Variants in GBP7 observed in about 807,000 individuals in gnomAD.
The protein encoded by GBP7 is guanylate-binding protein 7.
Under a neutral mutation model 61.3 loss-of-function variants are expected in GBP7, and 43 were observed. That is an observed-to-expected ratio of 0.70 (90% confidence interval 0.55 to 0.91). The LOEUF (loss-of-function observed/expected upper bound fraction) is 0.91, where lower values mean the gene tolerates loss of function less well. GBP7 is among the 40% of genes least tolerant of loss of function. GBP7 has a pLI of 0.00. For missense variants in GBP7, 717 were observed against 740.5 expected (o/e 0.97, Z 0.37); for synonymous variants, 267 against 271.0 (o/e 0.99, Z 0.14).
At chr1:89,140,731 A>G (rs1225289733) in intron 9 of GBP7, among the ~76,000 whole-genome samples, 1 of 152,218 alleles carries the variant, frequency 6.6e-6, no homozygotes. Flanking sequence ...TCATTCTACC[A>G]TAAAGACACA....
In GBP7 at chr1:89,133,243, T is replaced by C; in HGVS notation, c.1662+15A>G. 1 of 1,608,804 alleles carries C rather than the reference T, an allele frequency of 6.2e-7. No homozygotes were observed. The highest frequency in any genetic ancestry group is 8.5e-7 in the Non-Finnish European group (1 of 1,175,982). ...CATTGTGCCTCAAGCACTGCCAAGC[T>C]TCATCCAGACTCACCTTCATCTTGT... is the stretch of plus-strand genomic sequence containing the variant. On this transcript the variant is annotated intron_variant, in intron 10 of 10. Coordinates refer to ENST00000294671, the MANE Select transcript of GBP7 (RefSeq NM_207398.3).
At chr1:89,138,274 G>A (rs1015934368) in intron 9 of GBP7, among the ~76,000 whole-genome samples, 1 of 151,808 alleles carries the variant, frequency 6.6e-6, no homozygotes, top group Non-Finnish European at 1.5e-5. Context: ...TCAAATTATC[G>A]ATGACTTTTT....
chr1:89,137,953 A>G (rs1174868569), intron 9 of GBP7, among the ~76,000 whole-genome samples: 1 of 152,176 alleles, frequency 6.6e-6, no homozygotes, highest in Non-Finnish European at 1.5e-5. Flanking sequence ...GCAAAGTTTC[A>G]GGATAAAAAA....
chr1:89,138,207 A>G (rs933054280), intron 9 of GBP7, among the ~76,000 whole-genome samples: 2 of 152,168 alleles, frequency 1.3e-5, no homozygotes, highest in Non-Finnish European at 2.9e-5. Flanking sequence ...GGAAGAATCA[A>G]TGTTGTTAAA....
At chr1:89,138,993 C>A (rs1289884808) in intron 9 of GBP7, among the ~76,000 whole-genome samples, 2 of 152,060 alleles carry the variant, frequency 1.3e-5, no homozygotes, top group African/African-American at 4.8e-5. Flanking sequence ...ACAAAGCAAA[C>A]AACCCCATTA....
chr1:89,146,466 CAAAG>C (rs976641446), intron 8 of GBP7, among the ~76,000 whole-genome samples: 12 of 151,810 alleles, frequency 7.9e-5, no homozygotes, highest in African/African-American at 2.9e-4. Context: ...AATGAAAAAA[CAAAG>C]AAAGGAAAAA....
chr1:89,166,685 G>A (rs1341433104), intron 2 of GBP7, among the ~76,000 whole-genome samples: 2 of 152,202 alleles, frequency 1.3e-5, no homozygotes, highest in African/African-American at 2.4e-5. Flanking sequence ...AAAAGCTCTC[G>A]CACACACTTT....
intron 1 of GBP7, among the ~76,000 whole-genome samples, chr1:89,172,738 A>G (rs1233313545): frequency 6.7e-6 from 1 of 148,862 alleles, no homozygotes; most frequent in Non-Finnish European, 1.5e-5. Context: ...TTTGGAGACT[A>G]TGCAAATACA....
intron 8 of GBP7, among the ~76,000 whole-genome samples, chr1:89,142,912 C>T (rs140930085): frequency 7.2e-5 from 11 of 152,122 alleles, no homozygotes; most frequent in East Asian, 1.9e-4. Context: ...TGATATAGTA[C>T]GCCATTATGT....
At chr1:89,174,981 G>C (rs774420831) in intron 1 of GBP7, among the ~76,000 whole-genome samples, 3 of 152,118 alleles carry the variant, frequency 2.0e-5, no homozygotes, top group Non-Finnish European at 4.4e-5. Flanking sequence ...TTTATCCAGG[G>C]CTTGATAAAT....
chr1:89,147,621 T>C lies in GBP7; in HGVS notation c.1311A>G (p.Glu437=), dbSNP rs763479279. 4 of 1,614,064 alleles carry C rather than the reference T, an allele frequency of 2.5e-6. No homozygotes were observed. The highest frequency in any genetic ancestry group is 3.4e-6 in the Non-Finnish European group (4 of 1,180,026). ...FVPGGHNIYL[E]AKKKIEQDYT... Reference sequence around the variant, plus strand: ...AGTCCTGTTCAATCTTCTTTTTTGCTTCTAAGTAGATATTGTGCCCCCCCG... The same window carrying C: ...AGTCCTGTTCAATCTTCTTTTTTGCCTCTAAGTAGATATTGTGCCCCCCCG... The change falls in exon 8 of 11, where the codon GAA becomes GAG. Residue 437 remains glutamate, a synonymous_variant. Coordinates refer to ENST00000294671, the MANE Select transcript of GBP7 (RefSeq NM_207398.3).
chr1:89,140,669 A>T (rs1473730903), intron 9 of GBP7, among the ~76,000 whole-genome samples: 1 of 152,194 alleles, frequency 6.6e-6, no homozygotes, highest in Non-Finnish European at 1.5e-5. Context: ...AAACAGAACT[A>T]TCATTTGACC....
intron 3 of GBP7, among the ~76,000 whole-genome samples, chr1:89,157,274 C>T (rs1682338012): frequency 6.6e-6 from 1 of 151,996 alleles, no homozygotes; most frequent in African/African-American, 2.4e-5. Context: ...AATTGACATC[C>T]TAACATCACA....
intron 1 of GBP7, among the ~76,000 whole-genome samples, chr1:89,174,309 A>G (rs936481582): frequency 6.6e-6 from 1 of 152,110 alleles, no homozygotes; most frequent in Non-Finnish European, 1.5e-5. Flanking sequence ...AGAGTATATA[A>G]TTTTGTAGAT....
chr1:89,147,948 A>G (rs1433139589), intron 7 of GBP7, among the ~76,000 whole-genome samples, 169 bp from the exon 8 acceptor site: 3 of 152,216 alleles, frequency 2.0e-5, no homozygotes, highest in Non-Finnish European at 4.4e-5. Flanking sequence ...AATTCTCTGC[A>G]TGACCTGTAG....
chr1:89,154,290 G>T (rs1478500867), intron 3 of GBP7, among the ~76,000 whole-genome samples: 1 of 152,118 alleles, frequency 6.6e-6, no homozygotes. Flanking sequence ...TAAATTCACT[G>T]TTTCTAAATG....
chr1:89,164,702 A>G lies in GBP7; in HGVS notation c.318+29T>C, dbSNP rs374479627. 5.0e-6 allele frequency: 8 copies of G among 1,609,238 alleles called. No individual in the cohort carries two copies. The African/African-American group carries it at 1.1e-4, about 22-fold the overall frequency. ...AAACATAAATAGAGAATCAAAGGTA[A>G]AGAAGATTTCTCTATGTCTCTTTCT... On this transcript the variant is annotated intron_variant, in intron 3 of 10. Coordinates refer to ENST00000294671, the MANE Select transcript of GBP7 (RefSeq NM_207398.3).
chr1:89,147,590 G>A lies in GBP7; in HGVS notation c.1342C>T (p.Leu448=), dbSNP rs1406069114. The change falls in exon 8 of 11, where the codon CTA becomes TTA. Residue 448 remains leucine (L), a synonymous_variant. Transcript: ENST00000294671. The stretch of plus-strand genomic sequence containing the variant: ...ACCTTAACTCCTTTTCTGGGCACTA[G>A]TGTATAGTCCTGTTCAATCTTCTTT... ...AKKKIEQDYT[L]VPRKGVKADE... 3 of 1,613,676 alleles carry A rather than the reference G, an allele frequency of 1.9e-6. No individual in the cohort carries two copies. The East Asian group carries it at 6.7e-5, about 36-fold the overall frequency.
intron 8 of GBP7, among the ~76,000 whole-genome samples, chr1:89,142,788 T>TA (rs1253247784): frequency 3.7e-4 from 1 of 2,670 alleles, no homozygotes; most frequent in Non-Finnish European, 5.8e-4. Context: ...TTCCCTTCTT[T>TA]CAAAAAAAAT....
Sources: allele counts gnomAD v4.1 joint callset (sites outside exome capture counted in the v4.1 genomes callset), GRCh38; gene constraint gnomAD v4.1.1; transcripts MANE v1.5; gene names NCBI Gene and HGNC (gene_info 2026-07-23, HGNC 2026-07-21).